ADGRL3: variants seen among roughly 807,000 people sequenced by gnomAD.
ADGRL3 encodes the protein adhesion G protein-coupled receptor L3.
ADGRL3 carries 62 observed loss-of-function variants against 153.5 expected under a neutral mutation model. The ratio of observed to expected loss-of-function variants is 0.40; its 90% CI spans 0.33 to 0.50. ADGRL3 has a LOEUF of 0.50. Among genes scored for constraint, ADGRL3 ranks in the 20% least tolerant of loss-of-function variants. ADGRL3 has a pLI of 0.47. For synonymous variants in ADGRL3, 710 were observed against 672.5 expected (o/e 1.06, Z -0.86); for missense variants, 1,641 against 1,859.4 (o/e 0.88, Z 2.16).
At chr4:61,438,869 G>A (rs1024847878) in intron 2 of ADGRL3, among the ~76,000 whole-genome samples, 10 of 151,642 alleles carry the variant, frequency 6.6e-5, no homozygotes, top group East Asian at 1.9e-4. Context: ...CACCACGCCC[G>A]GCTAATTTTT....
At chr4:61,757,772 C>A (rs557422345) in intron 8 of ADGRL3, among the ~76,000 whole-genome samples, 10 of 152,224 alleles carry the variant, frequency 6.6e-5, no homozygotes, top group Non-Finnish European at 2.9e-5. Context: ...GTATAAATTT[C>A]CCTCTACACA....
chr4:61,741,930 C>CACATATAAATAATA (rs2096585160), intron 8 of ADGRL3, among the ~76,000 whole-genome samples: 1 of 152,204 alleles, frequency 6.6e-6, no homozygotes, highest in Non-Finnish European at 1.5e-5. Context: ...GTGTATTTCA[C>CACATATAAATAATA]AGTAATAAAG....
Position 61,999,801 on chromosome 4 carries a change from G to A in ADGRL3, c.3395+1536G>A, listed in dbSNP as rs190939925. Among the ~76,000 whole-genome samples the A allele has an allele frequency of 1.9e-4, 29 of 152,146 alleles. No homozygotes were observed. The East Asian group carries it at 5.4e-3, about 28-fold the overall frequency. ...GTTAATTTTGTTGAAGGAATTATTT[G>A]TCTACATTAAATAAAAAAGATAACC... On this transcript the variant is annotated intron_variant, in intron 21 of 26. Coordinates refer to ENST00000683033, the MANE Select transcript of ADGRL3 (RefSeq NM_001387552.1).
At chr4:61,531,071 T>A (rs2098610018) in intron 4 of ADGRL3, among the ~76,000 whole-genome samples, 1 of 152,182 alleles carries the variant, frequency 6.6e-6, no homozygotes, top group Admixed American at 6.6e-5. Flanking sequence ...GAAAAATATT[T>A]GTGATTTATA....
chr4:61,928,399 T>A (rs1381520144), intron 13 of ADGRL3, among the ~76,000 whole-genome samples: 2 of 152,180 alleles, frequency 1.3e-5, no homozygotes, highest in Non-Finnish European at 2.9e-5. Flanking sequence ...GGGATGTTTT[T>A]ATGGTCCTCC....
intron 1 of ADGRL3, among the ~76,000 whole-genome samples, chr4:61,236,952 A>G (rs1383011967): frequency 6.6e-6 from 1 of 152,202 alleles, no homozygotes; most frequent in Non-Finnish European, 1.5e-5. Flanking sequence ...AGATATTATT[A>G]CATTAATATC....
intron 8 of ADGRL3, among the ~76,000 whole-genome samples, chr4:61,813,439 A>C (rs1056336622): frequency 2.0e-5 from 3 of 152,164 alleles, no homozygotes; most frequent in South Asian, 4.1e-4. Context: ...ACAGCAAATA[A>C]ATATGCCACT....
chr4:61,863,405 T>C (rs1189388708), intron 9 of ADGRL3, among the ~76,000 whole-genome samples: 2 of 151,274 alleles, frequency 1.3e-5, no homozygotes, highest in South Asian at 2.1e-4. Flanking sequence ...GCCCGGCTAA[T>C]TTTTTGTATT....
chr4:61,623,114 GC>G (rs1411027137), intron 5 of ADGRL3, among the ~76,000 whole-genome samples: 1 of 152,000 alleles, frequency 6.6e-6, no homozygotes, highest in Non-Finnish European at 1.5e-5. Flanking sequence ...TCCCACAATG[GC>G]CTGGAATAAC....
chr4:62,059,325 A>G (rs1738803841), intron 25 of ADGRL3, among the ~76,000 whole-genome samples: 1 of 152,158 alleles, frequency 6.6e-6, no homozygotes, highest in African/African-American at 2.4e-5. Flanking sequence ...TTTGCAAAAC[A>G]CTAATCATCA....
At chr4:61,324,547 T>C (rs1314905633) in intron 1 of ADGRL3, among the ~76,000 whole-genome samples, 3 of 152,140 alleles carry the variant, frequency 2.0e-5, no homozygotes, top group African/African-American at 7.2e-5. Flanking sequence ...GATTAGAAAA[T>C]CAAAAGCAAA....
chr4:62,038,349 C>G (rs1726241821), intron 24 of ADGRL3, among the ~76,000 whole-genome samples: 1 of 152,064 alleles, frequency 6.6e-6, no homozygotes, highest in African/African-American at 2.4e-5. Flanking sequence ...AATACTACAA[C>G]AGCATTATTA....
At chr4:61,249,179 G>A (rs894641792) in intron 1 of ADGRL3, among the ~76,000 whole-genome samples, 3 of 152,158 alleles carry the variant, frequency 2.0e-5, no homozygotes, top group African/African-American at 7.2e-5. Flanking sequence ...GAAGTGGACT[G>A]TTAGGAATAA....
intron 19 of ADGRL3, among the ~76,000 whole-genome samples, chr4:61,986,767 G>A (rs2099086939): frequency 6.6e-6 from 1 of 152,042 alleles, no homozygotes; most frequent in African/African-American, 2.4e-5. Context: ...AGTGTCTTGG[G>A]GTACATTGTA....
At chr4:61,893,158 TTTC>T (rs1329676830) in intron 10 of ADGRL3, among the ~76,000 whole-genome samples, 200 bp downstream of exon 10, 10 of 150,792 alleles carry the variant, frequency 6.6e-5, no homozygotes, top group South Asian at 2.1e-4. Flanking sequence ...TTCTTTCCTC[TTTC>T]TTTTTTTTCA....
At chr4:61,658,805 G>T (rs2094512062) in intron 5 of ADGRL3, among the ~76,000 whole-genome samples, 1 of 151,908 alleles carries the variant, frequency 6.6e-6, no homozygotes, top group Non-Finnish European at 1.5e-5. Context: ...ATCAATTCTG[G>T]AGTCTCCTCC....
intron 2 of ADGRL3, among the ~76,000 whole-genome samples, chr4:61,421,832 G>A (rs536498032): frequency 6.6e-6 from 1 of 152,150 alleles, no homozygotes; most frequent in South Asian, 2.1e-4. Context: ...GAAGATTTTA[G>A]TATTTATTTT....
chr4:61,401,268 A>G (rs180747573), intron 2 of ADGRL3, among the ~76,000 whole-genome samples: 2 of 151,896 alleles, frequency 1.3e-5, no homozygotes, highest in Admixed American at 6.6e-5. Flanking sequence ...AGAATACTGG[A>G]TCTATTAAAA....
rs559103859 is a variant in ADGRL3, at chr4:61,646,335, C to T, written c.474-30491C>T. Among the ~76,000 whole-genome samples, 609 of 152,200 alleles carry T rather than the reference C, an allele frequency of 4.0e-3. 5 individuals are homozygous for T. The highest frequency in any genetic ancestry group is 0.019 in the East Asian group (96 of 5,162). On this transcript the variant is annotated intron_variant, in intron 5 of 26. Transcript: ENST00000683033. ...TTGTTTCGTTGCTGGTGAGGAACTG[C>T]GTTCCTTTGGAGGAGGAGAGGCACT...
Sources: gnomAD v4.1 joint callset for allele counts (sites outside exome capture counted in the v4.1 genomes callset) on GRCh38, gnomAD v4.1.1 for gene constraint, MANE v1.5 for transcripts, NCBI Gene and HGNC (gene_info 2026-07-23, HGNC 2026-07-21) for gene names.